Variants in EXOC2 observed in about 807,000 individuals in gnomAD.
EXOC2 encodes the protein SEC5-like 1.
EXOC2 carries 70 observed loss-of-function variants against 131.8 expected under a neutral mutation model. The ratio of observed to expected loss-of-function variants is 0.53; its 90% CI spans 0.44 to 0.65. The LOEUF is 0.65. EXOC2 is among the 30% of genes least tolerant of loss of function. The pLI, the probability that EXOC2 is intolerant of heterozygous loss-of-function variation, is 0.00. For synonymous variants in EXOC2, 411 were observed against 398.4 expected, an observed-to-expected ratio of 1.03 and a Z score of -0.38; for missense variants, 923 against 1,108.6, an observed-to-expected ratio of 0.83 and a Z score of 2.38.
intron 1 of EXOC2, chr6:655,910 C>A: frequency 1.3e-5 from 6 of 479,988 alleles, no homozygotes; most frequent in South Asian, 1.0e-4. Context: ...ACCTGACAAA[C>A]CCAATAAACA....
rs377425928 is a variant in EXOC2 at position 550,637 on chromosome 6, G to A, written c.2122-1346C>T. ...ACGTTTCGTGAATAAACGGCCAGAAGGAAAACAGTGAATAAGCACTGGAAA... is the reference window on the plus strand; with the variant it reads ...ACGTTTCGTGAATAAACGGCCAGAAAGAAAACAGTGAATAAGCACTGGAAA... On this transcript the variant is annotated intron_variant, in intron 21 of 27. Coordinates refer to ENST00000230449, the MANE Select transcript of EXOC2 (RefSeq NM_018303.6). Among the ~76,000 whole-genome samples, 23 of 152,306 alleles carry A rather than the reference G, an allele frequency of 1.5e-4. No homozygotes were observed. In the East Asian group the frequency reaches 3.5e-3, roughly 23 times the overall value.
At chr6:674,075 C>T (rs1234540038) in intron 1 of EXOC2, among the ~76,000 whole-genome samples, 3 of 152,140 alleles carry the variant, frequency 2.0e-5, no homozygotes, top group Non-Finnish European at 2.9e-5. Context: ...TTTTATATTA[C>T]GATGCTTGGT....
chr6:583,738 CT>C (rs1440521696), intron 11 of EXOC2, among the ~76,000 whole-genome samples: 1 of 152,230 alleles, frequency 6.6e-6, no homozygotes, highest in Non-Finnish European at 1.5e-5. Flanking sequence ...AGCATTTCAT[CT>C]TCCAAAGACA....
rs184984065 is a variant in EXOC2, at chr6:615,978, T to C, written c.661+1733A>G. ...ATATCATTGTGATTATGCACATAAA[T>C]GTCCTTGCCCTTACTTGGGAGATTA... is the stretch of plus-strand genomic sequence containing the variant. On this transcript the variant is annotated intron_variant, in intron 6 of 27. Transcript: ENST00000230449. Among the ~76,000 whole-genome samples, 291 of 152,388 alleles carry C rather than the reference T, an allele frequency of 1.9e-3. 2 individuals are homozygous for C. The highest frequency in any genetic ancestry group is 3.1e-3 in the Non-Finnish European group (214 of 68,036).
At chr6:502,865 C>G (rs1764309292) in intron 23 of EXOC2, among the ~76,000 whole-genome samples, 1 of 152,132 alleles carries the variant, frequency 6.6e-6, no homozygotes, top group Admixed American at 6.5e-5. Context: ...CTGCTTCATA[C>G]AAATAACTGG....
chr6:620,446 C>CGTCTGATTTGCCGCCCCCTCTAAGAT (rs1761229011), intron 4 of EXOC2, among the ~76,000 whole-genome samples: 1 of 152,158 alleles, frequency 6.6e-6, no homozygotes. Flanking sequence ...TTACTTTGTT[C>CGTCTGATTTGCCGCCCCCTCTAAGAT]GTCTGATTTG....
chr6:570,166 C>T (rs529533692), intron 13 of EXOC2, among the ~76,000 whole-genome samples: 4 of 148,748 alleles, frequency 2.7e-5, no homozygotes, highest in South Asian at 2.1e-4. Context: ...CGGAGTCTCG[C>T]GCTGTCGCCC....
At chr6:576,638 G>GTATC in intron 12 of EXOC2, 119 bp downstream of exon 12, 1 of 1,140,604 alleles carries the variant, frequency 8.8e-7, no homozygotes, top group Non-Finnish European at 1.2e-6. Context: ...AAGCGATGAT[G>GTATC]GCTGATAATA....
At chr6:487,345 G>A (rs369687593) in intron 27 of EXOC2, among the ~76,000 whole-genome samples, 2 of 152,126 alleles carry the variant, frequency 1.3e-5, no homozygotes, top group East Asian at 1.9e-4. Context: ...ATTCCACTAG[G>A]CAAATCGCTT....
intron 2 of EXOC2, 52 bp from the exon 3 acceptor site, chr6:633,169 C>A (rs1761937339): frequency 1.3e-6 from 2 of 1,575,116 alleles, no homozygotes; most frequent in Non-Finnish European, 1.7e-6. Flanking sequence ...AACAATAAGA[C>A]CTTAATCGTG....
chr6:589,399 T>C (rs1026273846), intron 11 of EXOC2, among the ~76,000 whole-genome samples: 2 of 152,170 alleles, frequency 1.3e-5, no homozygotes, highest in African/African-American at 4.8e-5. Flanking sequence ...GCACGGTGTC[T>C]GGAACGCGTC....
At chr6:656,696 C>A (rs763203116) in intron 1 of EXOC2, 3 of 1,605,580 alleles carry the variant, frequency 1.9e-6, no homozygotes, top group Non-Finnish European at 2.6e-6. Flanking sequence ...GGTGCTCCGC[C>A]GTCAGCTCCA....
intron 6 of EXOC2, among the ~76,000 whole-genome samples, chr6:614,167 T>C (rs1043344010): frequency 6.6e-6 from 1 of 152,012 alleles, no homozygotes; most frequent in Non-Finnish European, 1.5e-5. Flanking sequence ...AGTGTCTTTG[T>C]TTGCCTGTGG....
At chr6:692,025 G>A (rs1012268928) in intron 1 of EXOC2, among the ~76,000 whole-genome samples, 3 of 152,182 alleles carry the variant, frequency 2.0e-5, no homozygotes, top group Non-Finnish European at 4.4e-5. Context: ...CAAAGCATGG[G>A]CCAGTACATA....
chr6:586,820 C>T lies in EXOC2; in HGVS notation c.1192+5649G>A, dbSNP rs532822936. ...CCACCCCTGCTCAGGATACGGAGGA[C>T]GTGTCTGGACACCCACTAGTCCCAC... is the stretch of plus-strand genomic sequence containing the variant. On this transcript the variant is annotated intron_variant, in intron 11 of 27. Coordinates refer to ENST00000230449, the MANE Select transcript of EXOC2 (RefSeq NM_018303.6). Among the ~76,000 whole-genome samples the T allele has an allele frequency of 3.5e-4, 53 of 152,182 alleles. No homozygotes were observed. The South Asian group carries it at 9.5e-3, about 27-fold the overall frequency.
At chr6:491,787 A>G (rs1763450146) in intron 25 of EXOC2, among the ~76,000 whole-genome samples, 1 of 152,252 alleles carries the variant, frequency 6.6e-6, no homozygotes, top group African/African-American at 2.4e-5. Context: ...AGAGTAACAC[A>G]TTTAGAGGCC....
chr6:491,419 C>G (rs186075668), intron 25 of EXOC2, among the ~76,000 whole-genome samples: 2 of 152,340 alleles, frequency 1.3e-5, no homozygotes. Context: ...TGTGTGAGGG[C>G]AGGGAACTAG....
intron 1 of EXOC2, among the ~76,000 whole-genome samples, chr6:685,867 C>CTTTTTTTTTTTTT (rs1491058770): frequency 8.2e-6 from 1 of 121,424 alleles, no homozygotes; most frequent in African/African-American, 3.2e-5. Context: ...TTTCCTGGAC[C>CTTTTTTTTTTTTT]TCTTTTTTTT....
In EXOC2 at chr6:543,064, C is replaced by T. The variant is rs145251936; in HGVS notation, c.2238+6111G>A. Among the ~76,000 whole-genome samples the T allele has an allele frequency of 4.0e-3, 609 of 152,242 alleles. 8 individuals are homozygous for T. Among genetic ancestry groups the T allele is most frequent in the African/African-American group, 0.013 (545 of 41,542 alleles). On this transcript the variant is annotated intron_variant, in intron 22 of 27. Transcript: ENST00000230449. ...AGCAAAGCAACCGCTAGGAAGGTTC[C>T]TACAACACCACGGCTGTCGGATGAT...
Sources: allele counts gnomAD v4.1 joint callset (sites outside exome capture counted in the v4.1 genomes callset), GRCh38; gene constraint gnomAD v4.1.1; transcripts MANE v1.5; gene names NCBI Gene and HGNC (gene_info 2026-07-23, HGNC 2026-07-21).